MTMR9: variants seen among roughly 807,000 people sequenced by gnomAD.
MTMR9 encodes myotubularin-related protein 9.
In MTMR9, 39 loss-of-function variants were observed where a neutral mutation model predicts 69.5. That is an observed-to-expected ratio of 0.56 (90% CI 0.43 to 0.73). The LOEUF (loss-of-function observed/expected upper bound fraction) is 0.73, where lower values mean the gene tolerates loss of function less well. Among genes scored for constraint, MTMR9 ranks in the 30% least tolerant of loss-of-function variants. The pLI, the probability that MTMR9 is intolerant of heterozygous loss-of-function variation, is 0.00. For synonymous variants in MTMR9, 354 were observed against 240.8 expected, an observed-to-expected ratio of 1.47 and a Z score of -4.35; for missense variants, 900 against 671.2, an observed-to-expected ratio of 1.34 and a Z score of -3.77.
chr8:11,301,743 T>TTAA (rs1799754815), intron 3 of MTMR9, among the ~76,000 whole-genome samples: 1 of 80,332 alleles, frequency 1.2e-5, no homozygotes, highest in African/African-American at 8.3e-5. Context: ...AAGTTTTGTC[T>TTAA]CAAAGTTGAC....
intron 8 of MTMR9, chr8:11,319,473 C>G (rs1387565834): frequency 1.8e-6 from 1 of 541,296 alleles, no homozygotes; most frequent in Non-Finnish European, 3.2e-6. Flanking sequence ...TCTTGGAAGC[C>G]TGTAAAATAC....
chr8:11,306,154 ACTG>A, intron 4 of MTMR9, 33 bp from the exon 5 acceptor site: 1 of 1,580,912 alleles, frequency 6.3e-7, no homozygotes, highest in African/African-American at 1.3e-5. Flanking sequence ...TTTAAAAGCA[ACTG>A]CTGTTGAATT....
chr8:11,313,631 G>T (rs1056218276), intron 6 of MTMR9, among the ~76,000 whole-genome samples: 2 of 152,156 alleles, frequency 1.3e-5, no homozygotes, highest in African/African-American at 2.4e-5. Flanking sequence ...TGTCAATATT[G>T]TTGTGATCCC....
chr8:11,302,800 A>G (rs1799796282), intron 3 of MTMR9, among the ~76,000 whole-genome samples: 1 of 152,134 alleles, frequency 6.6e-6, no homozygotes, highest in South Asian at 2.1e-4. Flanking sequence ...TACATAGGAA[A>G]AGGAAAGAAT....
the MTMR9 span, among the ~76,000 whole-genome samples, chr8:11,336,469 C>G: frequency 1.6e-3 from 246 of 152,336 alleles, 2 homozygotes; most frequent in African/African-American, 5.7e-3. Context: ...TCTTCACACT[C>G]TATGCCCAGT....
At chr8:11,331,029 C>A, downstream of MTMR9, 1 of 1,520,000 alleles carries the variant, frequency 6.6e-7, no homozygotes, top group Non-Finnish European at 8.8e-7. Flanking sequence ...ACCCGCACTC[C>A]AATGAGGTCA....
intron 2 of MTMR9, among the ~76,000 whole-genome samples, chr8:11,295,562 T>C (rs951162987): frequency 1.3e-5 from 2 of 152,210 alleles, no homozygotes; most frequent in African/African-American, 4.8e-5. Context: ...AATGGCTTTG[T>C]GGAATTTCCA....
chr8:11,312,396 G>C (rs1032689807), intron 6 of MTMR9, among the ~76,000 whole-genome samples: 7 of 152,078 alleles, frequency 4.6e-5, no homozygotes, highest in African/African-American at 1.7e-4. Flanking sequence ...ACCCAAGCTG[G>C]AGTGCAGTGG....
chr8:11,305,437 C>T lies in MTMR9; in HGVS notation c.591+423C>T, dbSNP rs145401118. On this transcript the variant is annotated intron_variant, in intron 4 of 9. Transcript: ENST00000221086. ...TTTCAAAGGTGAAAAGAGTGATGCT[C>T]ATGTCATTTAGTCACAACTCTAGTA... Among the ~76,000 whole-genome samples the T allele has an allele frequency of 1.2e-3, 183 of 152,146 alleles. 1 individual carries two copies. The highest frequency in any genetic ancestry group is 1.1e-3 in the Non-Finnish European group (78 of 68,018).
intron 6 of MTMR9, among the ~76,000 whole-genome samples, chr8:11,310,920 G>A (rs934067663): frequency 2.6e-5 from 4 of 152,126 alleles, no homozygotes; most frequent in African/African-American, 9.7e-5. Flanking sequence ...GTTTGAGCTG[G>A]CCACCTCAAA....
intron 1 of MTMR9, among the ~76,000 whole-genome samples, chr8:11,289,173 AAAAC>A (rs374746072): frequency 6.0e-4 from 91 of 152,234 alleles, no homozygotes; most frequent in African/African-American, 1.4e-3. Context: ...TCTCTGTCTC[AAAAC>A]AAACAAACAA....
intron 2 of MTMR9, among the ~76,000 whole-genome samples, chr8:11,298,349 A>C (rs1475103016): frequency 6.6e-6 from 1 of 151,958 alleles, no homozygotes; most frequent in Admixed American, 6.6e-5. Context: ...GTTTGGTGTG[A>C]TTGGCAGCCA....
intron 6 of MTMR9, 44 bp downstream of exon 6, chr8:11,309,732 A>T (rs1800116102): frequency 6.3e-6 from 10 of 1,597,984 alleles, no homozygotes; most frequent in Non-Finnish European, 8.5e-6. Flanking sequence ...TGGCGCTGCT[A>T]ACTAGACTTT....
In MTMR9 at chr8:11,285,048, A is replaced by G. The variant is rs748146950; in HGVS notation, c.160A>G (p.Asn54Asp). Reference protein sequence around the residue: ...NTEELWLLHSNIDAIDKRFVG... With the variant: ...NTEELWLLHSDIDAIDKRFVG... Reference sequence around the variant, plus strand: ...GGAGGAGCTGTGGCTCCTCCATTCAAACATCGACGCCATCGACAAGCGGTG... The same window carrying G: ...GGAGGAGCTGTGGCTCCTCCATTCAGACATCGACGCCATCGACAAGCGGTG... Residue 54 changes from asparagine (N) to aspartate (D), a missense_variant, in exon 1 of 10, where the codon AAC (asparagine) becomes GAC (aspartate). Coordinates refer to ENST00000221086, the MANE Select transcript of MTMR9 (RefSeq NM_015458.4). The G allele has an allele frequency of 2.0e-5, 32 of 1,607,098 alleles. No homozygotes were observed. Among genetic ancestry groups the G allele is most frequent in the African/African-American group, 6.7e-5 (5 of 74,552 alleles).
chr8:11,295,439 C>A, intron 2 of MTMR9, 137 bp downstream of exon 2: 2 of 635,458 alleles, frequency 3.1e-6, no homozygotes, highest in Non-Finnish European at 5.5e-6. Flanking sequence ...AAGCCTCACC[C>A]TGGTTCATCG....
chr8:11,318,640 C>G (rs552373841), intron 8 of MTMR9: 1 of 152,214 alleles, frequency 6.6e-6, no homozygotes, highest in South Asian at 2.1e-4. Context: ...CTAAAACATG[C>G]CGATCGACTG....
chr8:11,305,718 G>A (rs1335376758), intron 4 of MTMR9, among the ~76,000 whole-genome samples: 1 of 152,204 alleles, frequency 6.6e-6, no homozygotes, highest in African/African-American at 2.4e-5. Flanking sequence ...CAGCTTCTGA[G>A]GTAGTGAAAA....
rs149967253 is a variant in MTMR9, at chr8:11,304,935, A to G, written c.512A>G (p.Glu171Gly). 5 of 1,613,908 alleles carry G rather than the reference A, an allele frequency of 3.1e-6. No homozygotes were observed. Among genetic ancestry groups the G allele is most frequent in the Admixed American group, 1.7e-5 (1 of 59,976 alleles). Residue 171 changes from glutamate (E) to glycine (G), a missense_variant, in exon 4 of 10, where the codon GAA becomes GGA. Transcript: ENST00000221086. ...ACAGTGCCCAAATCCATCGATGATG[A>G]AGCTCTTCGGAAGGTAGCTACATTT... is the stretch of plus-strand genomic sequence containing the variant. ...IVTVPKSIDD[E>G]ALRKVATFRH...
At chr8:11,313,313 T>G (rs1800279412) in intron 6 of MTMR9, among the ~76,000 whole-genome samples, 1 of 152,206 alleles carries the variant, frequency 6.6e-6, no homozygotes, top group South Asian at 2.1e-4. Context: ...TAAGGAAATA[T>G]TGCAGCTGGT....
Sources: allele counts gnomAD v4.1 joint callset (sites outside exome capture counted in the v4.1 genomes callset), GRCh38; gene constraint gnomAD v4.1.1; transcripts MANE v1.5; gene names NCBI Gene and HGNC (gene_info 2026-07-23, HGNC 2026-07-21).